ZNF708: variants seen among roughly 807,000 people sequenced by gnomAD.
ZNF708 encodes ZNF15, ZNF15L1.
Under a neutral mutation model 47.0 loss-of-function variants are expected in ZNF708, and 44 were observed. The ratio of observed to expected loss-of-function variants is 0.94; its 90% confidence interval spans 0.74 to 1.20. The LOEUF (loss-of-function observed/expected upper bound fraction) is 1.20, where lower values mean the gene tolerates loss of function less well. ZNF708 is among the 50% of genes most tolerant of loss of function. The probability of loss-of-function intolerance (pLI) is 0.00; values close to 1 mark genes in which losing one functional copy is unlikely to be tolerated. For synonymous variants in ZNF708, 184 were observed against 218.5 expected (o/e 0.84, Z 1.39); for missense variants, 557 against 656.0 (o/e 0.85, Z 1.65).
At chr19:21,316,237 GC>G (rs1973007044) in intron 1 of ZNF708, among the ~76,000 whole-genome samples, 1 of 143,272 alleles carries the variant, frequency 7.0e-6, no homozygotes, top group Non-Finnish European at 1.5e-5. Context: ...GGATTCTCCT[GC>G]CTCAGCCTCC....
intron 3 of ZNF708, among the ~76,000 whole-genome samples, chr19:21,297,272 T>TATATATA (rs1568345582): frequency 1.5e-3 from 50 of 32,564 alleles, no homozygotes; most frequent in South Asian, 3.8e-3. Context: ...ATATATATAT[T>TATATATA]TTTTTTTTTT....
At chr19:21,327,374 A>G (rs538365969) in intron 1 of ZNF708, among the ~76,000 whole-genome samples, 3 of 152,254 alleles carry the variant, frequency 2.0e-5, no homozygotes, top group African/African-American at 7.2e-5. Flanking sequence ...TACTAAAAAT[A>G]CAAAAACATT....
chr19:21,297,960 AGTGTGTGTGTGTGT>A (rs66590988), intron 3 of ZNF708, among the ~76,000 whole-genome samples: 1 of 149,846 alleles, frequency 6.7e-6, no homozygotes, highest in Non-Finnish European at 1.5e-5. Context: ...ACAAATGACT[AGTGTGTGTGTGTGT>A]GTGTGTGTGT....
intron 3 of ZNF708, among the ~76,000 whole-genome samples, chr19:21,304,022 G>T (rs974665505): frequency 6.6e-6 from 1 of 151,958 alleles, no homozygotes; most frequent in African/African-American, 2.4e-5. Flanking sequence ...AAAAAACTCA[G>T]ACATTATAGA....
intron 3 of ZNF708, among the ~76,000 whole-genome samples, chr19:21,295,210 GT>G (rs1972505684): frequency 1.3e-5 from 2 of 152,182 alleles, no homozygotes; most frequent in Admixed American, 1.3e-4. Context: ...TGGAATGACA[GT>G]TTGAGTCTGC....
intron 3 of ZNF708, among the ~76,000 whole-genome samples, chr19:21,307,172 A>AAATAC (rs1252149346): frequency 2.4e-5 from 3 of 126,418 alleles, no homozygotes; most frequent in African/African-American, 8.6e-5. Flanking sequence ...AAATAAAATA[A>AAATAC]AATAAAATAC....
chr19:21,307,085 TATAAAATAC>T (rs1972791126), intron 3 of ZNF708: 1 of 111,084 alleles, frequency 9.0e-6, no homozygotes, highest in African/African-American at 3.5e-5. Flanking sequence ...TAAAATAAAA[TATAAAATAC>T]AAAATAAAAT....
intron 1 of ZNF708, among the ~76,000 whole-genome samples, chr19:21,323,854 AT>A (rs1973201678): frequency 6.6e-6 from 1 of 152,098 alleles, no homozygotes; most frequent in Non-Finnish European, 1.5e-5. Flanking sequence ...CTTTAATAAA[AT>A]TTTTTTGCAG....
At chr19:21,305,443 G>C (rs1193097003) in intron 3 of ZNF708, among the ~76,000 whole-genome samples, 1 of 150,772 alleles carries the variant, frequency 6.6e-6, no homozygotes, top group East Asian at 2.0e-4. Context: ...CAGAAATATA[G>C]TTTATTTTTT....
At chr19:21,327,874 T>C in intron 1 of ZNF708, 2 of 410,118 alleles carry the variant, frequency 4.9e-6, no homozygotes, top group Admixed American at 4.2e-5. Context: ...TCTCAAGGGG[T>C]TAGCTTTTCA....
At chr19:21,322,613 TTC>T (rs1973175623) in intron 1 of ZNF708, among the ~76,000 whole-genome samples, 1 of 152,108 alleles carries the variant, frequency 6.6e-6, no homozygotes, top group African/African-American at 2.4e-5. Context: ...AGAGCTCCTA[TTC>T]TCTAATTTTT....
intron 1 of ZNF708, among the ~76,000 whole-genome samples, chr19:21,321,636 G>A (rs1378450683): frequency 2.3e-5 from 3 of 130,480 alleles, no homozygotes; most frequent in East Asian, 5.3e-4. Context: ...GAGGGGAGGG[G>A]AGGGGGAAGG....
At position 21,293,729 on chromosome 19, in the gene ZNF708, T is replaced by C; in HGVS notation, c.1237A>G (p.Ile413Val). 1.2e-6 allele frequency: 2 copies of C among 1,613,460 alleles called. No individual in the cohort carries two copies. Among genetic ancestry groups the C allele is most frequent in the Non-Finnish European group, 1.7e-6 (2 of 1,179,792 alleles). The change falls in exon 4 of 4, where the codon ATT becomes GTT. Residue 413 changes from isoleucine to valine, a missense_variant. Transcript: ENST00000356929. ...KSSTLTYHKV[I>V]HTGKKPYKCE... ...TTGTAGGGTTTCTTTCCAGTATGAA[T>C]TACCTTATGATAAGTAAGAGTTGAG... is the stretch of plus-strand genomic sequence containing the variant.
At chr19:21,306,363 C>G (rs930128387) in intron 3 of ZNF708, among the ~76,000 whole-genome samples, 7 of 151,960 alleles carry the variant, frequency 4.6e-5, no homozygotes, top group Admixed American at 6.6e-5. Context: ...ATATAAACAA[C>G]TCTTAAAACT....
At chr19:21,310,790 G>A (rs1443091521) in intron 1 of ZNF708, among the ~76,000 whole-genome samples, 163 bp from the exon 2 acceptor site, 1 of 152,156 alleles carries the variant, frequency 6.6e-6, no homozygotes, top group Non-Finnish European at 1.5e-5. Flanking sequence ...ATTCTCGAAT[G>A]TATTCTCTAA....
At chr19:21,327,362 T>G in intron 1 of ZNF708, among the ~76,000 whole-genome samples, 1 of 151,970 alleles carries the variant, frequency 6.6e-6, no homozygotes, top group Non-Finnish European at 1.5e-5. Flanking sequence ...AAACCCCATC[T>G]CTACTAAAAA....
intron 1 of ZNF708, among the ~76,000 whole-genome samples, chr19:21,317,836 T>C (rs1055383618): frequency 2.0e-5 from 3 of 152,210 alleles, no homozygotes; most frequent in African/African-American, 7.2e-5. Flanking sequence ...AAATAAACTT[T>C]TCACATCTTC....
intron 3 of ZNF708, among the ~76,000 whole-genome samples, chr19:21,307,882 C>T (rs1445336243): frequency 6.6e-6 from 1 of 152,034 alleles, no homozygotes; most frequent in Non-Finnish European, 1.5e-5. Context: ...ATAAACAGTA[C>T]ATTAAAACCT....
chr19:21,295,889 T>C (rs1000022648), intron 3 of ZNF708, among the ~76,000 whole-genome samples: 1 of 152,228 alleles, frequency 6.6e-6, no homozygotes, highest in South Asian at 2.1e-4. Context: ...TATAAAGATG[T>C]ATAAATTTTT....
Sources: gnomAD v4.1 joint callset for allele counts (sites outside exome capture counted in the v4.1 genomes callset) on GRCh38, gnomAD v4.1.1 for gene constraint, MANE v1.5 for transcripts, NCBI Gene and HGNC (gene_info 2026-07-23, HGNC 2026-07-21) for gene names.